Variants in SYNE1 observed in about 807,000 individuals in gnomAD.
SYNE1 encodes spectrin repeat containing nuclear envelope protein 1, also known as nesprin-1.
Under a neutral mutation model 1,111.0 loss-of-function variants are expected in SYNE1, and 616 were observed. The observed-to-expected ratio is 0.55, with a 90% CI of 0.52 to 0.59. The LOEUF is 0.59. Ranked by LOEUF, SYNE1 falls within the 20% of genes least tolerant of loss-of-function variation. SYNE1 has a pLI of 0.00. For synonymous variants in SYNE1, 3,855 were observed against 3,825.8 expected (o/e 1.01, Z -0.28); for missense variants, 10,006 against 10,417.0 (o/e 0.96, Z 1.72).
intron 16 of SYNE1, 121 bp from the exon 17 acceptor site, chr6:152,466,199 T>A (rs552741232): frequency 1.5e-6 from 1 of 661,422 alleles, no homozygotes; most frequent in African/African-American, 1.8e-5. Context: ...TCAGTCTTCT[T>A]GAAAACATAA....
In SYNE1 at chr6:152,383,831, C is replaced by T. The variant is rs117792517; in HGVS notation, c.8652+1843G>A. Among the ~76,000 whole-genome samples, 52 of 152,308 alleles carry T rather than the reference C, an allele frequency of 3.4e-4. No homozygotes were observed. The East Asian group carries it at 9.8e-3, about 29-fold the overall frequency. ...AACTGCCCCCAAGACATTACTACTA[C>T]CTGGCAGTTCAAACTGGATCTGATC... On this transcript the variant is annotated intron_variant, in intron 55 of 145. Transcript: ENST00000367255.
chr6:152,381,429 G>A (rs1451511505), intron 55 of SYNE1, 67 bp from the exon 56 acceptor site: 3 of 1,520,058 alleles, frequency 2.0e-6, no homozygotes, highest in Non-Finnish European at 2.7e-6. Flanking sequence ...GTTTTCAACT[G>A]TGTACACAGG....
At chr6:152,569,486 A>T (rs1484975200) in intron 3 of SYNE1, among the ~76,000 whole-genome samples, 3 of 152,168 alleles carry the variant, frequency 2.0e-5, no homozygotes, top group Non-Finnish European at 4.4e-5. Context: ...TTAAATTTAG[A>T]TTTTTTTAAG....
At position 152,135,222 on chromosome 6, in the gene SYNE1, T is replaced by G; in HGVS notation, c.25670A>C (p.Glu8557Ala). ...DALMQCQGFH[E>A]MSHGLLLMLE... ...CATAAGAAGCAAACCATGGCTCATT[T>G]CATGGAAACCCTACAGAAAACAGTT... Residue 8557 changes from glutamate (E) to alanine (A), a missense_variant, in exon 142 of 146, where the codon GAA becomes GCA. By Grantham distance (107) the Glu-to-Ala change is moderately radical (BLOSUM62 -1). Coordinates refer to ENST00000367255, the MANE Select transcript of SYNE1 (RefSeq NM_182961.4). 6.2e-7 allele frequency: 1 copy of G among 1,614,128 alleles called. No homozygotes were observed. Among genetic ancestry groups the G allele is most frequent in the Non-Finnish European group, 8.5e-7 (1 of 1,179,994 alleles).
intron 3 of SYNE1, among the ~76,000 whole-genome samples, chr6:152,558,981 TTTA>T (rs2099385092): frequency 1.4e-5 from 1 of 72,996 alleles, no homozygotes; most frequent in East Asian, 4.3e-4. Flanking sequence ...TTAATTTTTA[TTTA>T]TTTATTTATT....
intron 3 of SYNE1, among the ~76,000 whole-genome samples, chr6:152,602,051 A>G (rs1565116739): frequency 1.3e-5 from 2 of 151,950 alleles, no homozygotes; most frequent in African/African-American, 4.8e-5. Flanking sequence ...TACCTAATGC[A>G]TCTTCTGTAC....
intron 55 of SYNE1, among the ~76,000 whole-genome samples, chr6:152,384,896 A>G (rs989995959): frequency 6.7e-6 from 1 of 149,934 alleles, no homozygotes; most frequent in Non-Finnish European, 1.5e-5. Flanking sequence ...AAAAAAAAAT[A>G]GATCTGCAAA....
intron 3 of SYNE1, among the ~76,000 whole-genome samples, chr6:152,575,761 C>A (rs1214981001): frequency 6.6e-6 from 1 of 152,210 alleles, no homozygotes; most frequent in Non-Finnish European, 1.5e-5. Flanking sequence ...CTATTAACAG[C>A]TACCTCACAG....
rs1289640279 is a variant in SYNE1 at position 152,498,766 on chromosome 6, A to G, written c.915T>C (p.Phe305=). Reference sequence around the variant, plus strand: ...CCTTAAAATTTTGTACAGAATTTGCAAAAGATGGGAAACCTGGAAGTATTT... The same window carrying G: ...CCTTAAAATTTTGTACAGAATTTGCGAAAGATGGGAAACCTGGAAGTATTT... ...DDEILPGFPS[F]ANSVQNFKRE... Residue 305 remains phenylalanine (F), a synonymous_variant, in exon 11 of 146, where the codon TTT becomes TTC. Coordinates refer to ENST00000367255, the MANE Select transcript of SYNE1 (RefSeq NM_182961.4). 3 of 1,557,746 alleles carry G rather than the reference A, an allele frequency of 1.9e-6. No homozygotes were observed. The highest frequency in any genetic ancestry group is 2.6e-6 in the Non-Finnish European group (3 of 1,142,258).
At chr6:152,525,232 G>A (rs2099158234) in intron 5 of SYNE1, among the ~76,000 whole-genome samples, 1 of 152,268 alleles carries the variant, frequency 6.6e-6, no homozygotes, top group East Asian at 1.9e-4. Context: ...TAATTTTGAA[G>A]AGGTAAAAAT....
In SYNE1 at chr6:152,483,125, T is replaced by C. The variant is rs2098918077; in HGVS notation, c.1310A>G (p.Glu437Gly). 18 of 1,614,122 alleles carry C rather than the reference T, an allele frequency of 1.1e-5. No individual in the cohort carries two copies. The highest frequency in any genetic ancestry group is 1.2e-5 in the Non-Finnish European group (14 of 1,180,044). The change falls in exon 14 of 146, where the codon GAA becomes GGA. Residue 437 changes from glutamate to glycine, a missense_variant. Glu to Gly is a moderately conservative substitution (Grantham distance 98). Transcript: ENST00000367255. The stretch of plus-strand genomic sequence containing the variant: ...TTTCCGTTGTATCGTGTTTGCTGTT[T>C]CCTCGTGGACCTGTTGAACGGTTAT... Reference protein sequence around the residue: ...EEITVQQVHEETANTIQRKLE... With the variant: ...EEITVQQVHEGTANTIQRKLE...
chr6:152,383,451 AT>A (rs2097462388), intron 55 of SYNE1, among the ~76,000 whole-genome samples: 1 of 152,100 alleles, frequency 6.6e-6, no homozygotes, highest in East Asian at 1.9e-4. Flanking sequence ...CAACAGCCTC[AT>A]TGTCAAACCT....
chr6:152,440,593 G>T, intron 32 of SYNE1, among the ~76,000 whole-genome samples: 1 of 116,374 alleles, frequency 8.6e-6, no homozygotes, highest in African/African-American at 3.8e-5. Flanking sequence ...TTTTGAGATG[G>T]AGTCTCACTC....
At chr6:152,155,782 T>C in intron 132 of SYNE1, 128 bp downstream of exon 132, 1 of 1,117,782 alleles carries the variant, frequency 8.9e-7, no homozygotes, top group South Asian at 1.3e-5. Flanking sequence ...CAATAGTAAG[T>C]TTGGGAAGCC....
chr6:152,458,930 C>A lies in SYNE1; in HGVS notation c.2395G>T (p.Val799Phe), dbSNP rs199670962. 6.2e-7 allele frequency: 1 copy of A among 1,613,768 alleles called. No individual in the cohort carries two copies. ...MSKLKEQLTK[V>F]KECYSPLLYE... ...AGGAGTGGGGAGTAACATTCTTTGA[C>A]CTTTAAAAACATAAAGACAAAAATT... Residue 799 changes from valine to phenylalanine, a missense_variant and splice_region_variant, in exon 22 of 146, where the codon GTC (valine) becomes TTC (phenylalanine). This residue lies in a region of SYNE1 where 1,971 missense variants were observed against 2,084.1 expected (regional missense o/e 0.95). Transcript: ENST00000367255.
intron 34 of SYNE1, among the ~76,000 whole-genome samples, chr6:152,433,124 G>A (rs143876179): frequency 3.0e-3 from 447 of 151,214 alleles, no homozygotes; most frequent in Non-Finnish European, 5.0e-3. Context: ...AAAAGTGGCT[G>A]AATTTTGAAA....
chr6:152,196,902 C>T (rs147050652), intron 127 of SYNE1, among the ~76,000 whole-genome samples: 1 of 152,220 alleles, frequency 6.6e-6, no homozygotes, highest in African/African-American at 2.4e-5. Flanking sequence ...ATGTAGGACC[C>T]CAGAGCATTT....
At chr6:152,575,626 CATAA>C (rs2099493346) in intron 3 of SYNE1, among the ~76,000 whole-genome samples, 1 of 152,216 alleles carries the variant, frequency 6.6e-6, no homozygotes, top group Non-Finnish European at 1.5e-5. Flanking sequence ...GTGGAGTCAA[CATAA>C]ATAAACATGA....
At chr6:152,440,646 C>T (rs1166904262) in intron 32 of SYNE1, among the ~76,000 whole-genome samples, 1 of 148,784 alleles carries the variant, frequency 6.7e-6, no homozygotes, top group East Asian at 2.0e-4. Flanking sequence ...CGGCTCACTG[C>T]AACCTCTGCC....
Sources: gnomAD v4.1 joint callset for allele counts (sites outside exome capture counted in the v4.1 genomes callset) on GRCh38, gnomAD v4.1.1 for gene constraint, gnomAD v4.1.1 regional missense constraint, MANE v1.5 for transcripts, NCBI Gene and HGNC (gene_info 2026-07-23, HGNC 2026-07-21) for gene names.